MPHOSPH9: variants seen among roughly 807,000 people sequenced by gnomAD.
The protein encoded by MPHOSPH9 is M-phase phosphoprotein 9.
A neutral mutation model predicts 145.5 loss-of-function variants in MPHOSPH9; 88 were observed. The ratio of observed to expected loss-of-function variants is 0.60; its 90% CI spans 0.51 to 0.72. The LOEUF (loss-of-function observed/expected upper bound fraction) is 0.72. Among genes scored for constraint, MPHOSPH9 ranks in the 30% least tolerant of loss-of-function variants. The probability of loss-of-function intolerance (pLI) is 0.00; values close to 1 mark genes in which losing one functional copy is unlikely to be tolerated. For synonymous variants in MPHOSPH9, 435 were observed against 486.2 expected (o/e 0.89, Z 1.39); for missense variants, 1,238 against 1,386.6 (o/e 0.89, Z 1.70).
chr12:123,228,782 C>G (rs2047527844), intron 2 of MPHOSPH9, among the ~76,000 whole-genome samples: 1 of 152,174 alleles, frequency 6.6e-6, no homozygotes, highest in Non-Finnish European at 1.5e-5. Context: ...AACTGCCAGT[C>G]ACAATGAAAA....
chr12:123,184,358 T>G (rs1284347862), intron 13 of MPHOSPH9, among the ~76,000 whole-genome samples: 2 of 151,980 alleles, frequency 1.3e-5, no homozygotes, highest in Non-Finnish European at 2.9e-5. Flanking sequence ...CTTCTAAACA[T>G]TCACATCTGG....
intron 13 of MPHOSPH9, among the ~76,000 whole-genome samples, chr12:123,185,247 C>T (rs1211644280): frequency 6.6e-6 from 1 of 150,378 alleles, no homozygotes; most frequent in Non-Finnish European, 1.5e-5. Flanking sequence ...ATAATATTCT[C>T]AAAGAAATAA....
intron 13 of MPHOSPH9, among the ~76,000 whole-genome samples, chr12:123,192,039 A>C (rs981640910): frequency 2.6e-5 from 4 of 152,114 alleles, no homozygotes; most frequent in Non-Finnish European, 1.5e-5. Context: ...GAAAGAGGGA[A>C]GCTCCTTTCA....
At chr12:123,173,298 C>A (rs967473385) in intron 16 of MPHOSPH9, among the ~76,000 whole-genome samples, 1 of 152,196 alleles carries the variant, frequency 6.6e-6, no homozygotes, top group Non-Finnish European at 1.5e-5. Context: ...TCTCAAGCAG[C>A]AATGTGAGAT....
rs547718408 is a variant in MPHOSPH9 at position 123,230,982 on chromosome 12, C to A, written c.-158-460G>T. Among the ~76,000 whole-genome samples the A allele has an allele frequency of 7.9e-5, 12 of 152,250 alleles. No homozygotes were observed. The South Asian group carries it at 2.5e-3, about 32-fold the overall frequency. On this transcript the variant is annotated intron_variant, in intron 1 of 23. Coordinates refer to ENST00000606320, the MANE Select transcript of MPHOSPH9 (RefSeq NM_022782.4). Reference sequence around the variant, plus strand: ...TTCTGGAATTAGATAGTGGTGATGGCTGCACAACCTTGTGAACTAAAAACC... The same window carrying A: ...TTCTGGAATTAGATAGTGGTGATGGATGCACAACCTTGTGAACTAAAAACC...
upstream of MPHOSPH9, among the ~76,000 whole-genome samples, chr12:123,235,258 A>C (rs1455294508): frequency 6.6e-6 from 1 of 152,228 alleles, no homozygotes; most frequent in Admixed American, 6.5e-5. Flanking sequence ...AAAGTTACCC[A>C]GTAAGTAAAT....
At chr12:123,184,277 G>C (rs2045335138) in intron 13 of MPHOSPH9, among the ~76,000 whole-genome samples, 1 of 151,914 alleles carries the variant, frequency 6.6e-6, no homozygotes, top group Admixed American at 6.6e-5. Flanking sequence ...GCCAGAATCT[G>C]ACTGATAGGT....
chr12:123,187,291 A>C (rs976129817), intron 13 of MPHOSPH9, among the ~76,000 whole-genome samples: 1 of 152,182 alleles, frequency 6.6e-6, no homozygotes, highest in Non-Finnish European at 1.5e-5. Flanking sequence ...CAATATCAGT[A>C]CATTATTTAG....
At chr12:123,178,339 CT>C (rs2044975609) in intron 15 of MPHOSPH9, among the ~76,000 whole-genome samples, 1 of 152,200 alleles carries the variant, frequency 6.6e-6, no homozygotes, top group Non-Finnish European at 1.5e-5. Context: ...GATAAGAAAG[CT>C]ATCACTAGAA....
intron 16 of MPHOSPH9, among the ~76,000 whole-genome samples, chr12:123,173,962 T>C (rs540412890): frequency 2.5e-4 from 38 of 152,296 alleles, no homozygotes; most frequent in Non-Finnish European, 4.9e-4. Context: ...AAATGGTGTC[T>C]GAAATGGGAA....
intron 5 of MPHOSPH9, among the ~76,000 whole-genome samples, chr12:123,219,696 A>G (rs1357266147): frequency 6.6e-6 from 1 of 152,164 alleles, no homozygotes; most frequent in Non-Finnish European, 1.5e-5. Flanking sequence ...GCATAAATCA[A>G]TCATTATACT....
chr12:123,195,680 C>T (rs1051029504), intron 12 of MPHOSPH9, among the ~76,000 whole-genome samples: 1 of 152,042 alleles, frequency 6.6e-6, no homozygotes, highest in African/African-American at 2.4e-5. Context: ...AGGTGCTAGG[C>T]ACTAGGGTGC....
At chr12:123,165,179 A>T in intron 18 of MPHOSPH9, 123 bp downstream of exon 18, 2 of 886,526 alleles carry the variant, frequency 2.3e-6, no homozygotes, top group Non-Finnish European at 3.4e-6. Context: ...GTAGCAGTAA[A>T]ATAGCAAGTT....
chr12:123,230,538 G>A lies in MPHOSPH9; in HGVS notation c.-158-16C>T, dbSNP rs943015857. ...CCAAGAGAGTCTGAAAATGAATGGGGGAAAAAAATACTACTATAAAAAGCC... is the reference window on the plus strand; with the variant it reads ...CCAAGAGAGTCTGAAAATGAATGGGAGAAAAAAATACTACTATAAAAAGCC... On this transcript the variant is annotated splice_polypyrimidine_tract_variant and intron_variant, in intron 1 of 23. Transcript: ENST00000606320. 1.1e-4 allele frequency: 48 copies of A among 441,910 alleles called. No homozygotes were observed. The highest frequency in any genetic ancestry group is 1.6e-4 in the Non-Finnish European group (39 of 249,288). 27.4% of individuals were successfully genotyped at this position (441,910 alleles called of 1,614,324 possible).
At chr12:123,229,043 C>T (rs557245147) in intron 2 of MPHOSPH9, among the ~76,000 whole-genome samples, 74 of 152,234 alleles carry the variant, frequency 4.9e-4, no homozygotes, top group African/African-American at 1.6e-3. Context: ...TTTACAACTC[C>T]CCACCCCCAT....
intron 2 of MPHOSPH9, 116 bp from the exon 3 acceptor site, chr12:123,227,732 T>G (rs2047484682): frequency 1.2e-6 from 1 of 834,346 alleles, no homozygotes; most frequent in African/African-American, 1.7e-5. Flanking sequence ...ATCCTTCTAA[T>G]GGCACCTCAT....
intron 15 of MPHOSPH9, among the ~76,000 whole-genome samples, chr12:123,178,020 A>G (rs2138064882): frequency 6.6e-6 from 1 of 152,318 alleles, no homozygotes; most frequent in South Asian, 2.1e-4. Context: ...TATTTTAAAG[A>G]TATCCTGGCA....
chr12:123,238,589 G>C (rs1447383536), intron 1 of MPHOSPH9, among the ~76,000 whole-genome samples: 1 of 152,050 alleles, frequency 6.6e-6, no homozygotes, highest in Non-Finnish European at 1.5e-5. Flanking sequence ...TGGGCAACAT[G>C]ATGAAACCCC....
At chr12:123,226,512 TTA>T (rs2047440947) in intron 3 of MPHOSPH9, among the ~76,000 whole-genome samples, 1 of 151,478 alleles carries the variant, frequency 6.6e-6, no homozygotes, top group Non-Finnish European at 1.5e-5. Context: ...GAAATAAAAT[TTA>T]TATATACTTT....
Sources: gnomAD v4.1 joint callset for allele counts (sites outside exome capture counted in the v4.1 genomes callset) on GRCh38, gnomAD v4.1.1 for gene constraint, MANE v1.5 for transcripts, NCBI Gene and HGNC (gene_info 2026-07-23, HGNC 2026-07-21) for gene names.